Variants in KIAA1549L observed in about 807,000 individuals in gnomAD.
KIAA1549L encodes the protein KIAA1549 like.
KIAA1549L carries 88 observed loss-of-function variants against 160.7 expected under a neutral mutation model. The observed-to-expected ratio is 0.55, with a 90% confidence interval of 0.46 to 0.65. The LOEUF (loss-of-function observed/expected upper bound fraction) is 0.65. Ranked by LOEUF, KIAA1549L falls within the 30% of genes least tolerant of loss-of-function variation. The pLI, the probability that KIAA1549L is intolerant of heterozygous loss-of-function variation, is 0.00. For missense variants in KIAA1549L, 2,258 were observed against 2,437.5 expected, an observed-to-expected ratio of 0.93 and a Z score of 1.55; for synonymous variants, 950 against 976.7, an observed-to-expected ratio of 0.97 and a Z score of 0.51.
intron 8 of KIAA1549L, among the ~76,000 whole-genome samples, chr11:33,566,413 A>G (rs1855050979): frequency 6.6e-6 from 1 of 152,190 alleles, no homozygotes; most frequent in Non-Finnish European, 1.5e-5. Context: ...CAGCCCTTCC[A>G]TGATCTGATA....
At chr11:33,569,996 C>A (rs905546389) in intron 9 of KIAA1549L, among the ~76,000 whole-genome samples, 2 of 69,384 alleles carry the variant, frequency 2.9e-5, no homozygotes, top group Non-Finnish European at 6.5e-5. Flanking sequence ...CTTTCTCTCT[C>A]TCTCTCTCTC....
chr11:33,557,345 G>A (rs1487405349), intron 6 of KIAA1549L, among the ~76,000 whole-genome samples: 3 of 151,388 alleles, frequency 2.0e-5, no homozygotes, highest in African/African-American at 7.3e-5. Context: ...GATAAAGATT[G>A]AAAAGTTTTT....
intron 1 of KIAA1549L, chr11:33,450,574 A>G (rs1227757622): frequency 8.5e-6 from 1 of 118,218 alleles, no homozygotes; most frequent in Non-Finnish European, 1.9e-5. Flanking sequence ...AAACAACAAC[A>G]ACAACAACAA....
intron 1 of KIAA1549L, among the ~76,000 whole-genome samples, chr11:33,521,517 A>G (rs1380651419): frequency 2.0e-5 from 3 of 152,262 alleles, no homozygotes; most frequent in African/African-American, 7.2e-5. Flanking sequence ...GGAAGTATTC[A>G]GGAAGTTTCA....
chr11:33,439,414 TG>T (rs1426127937), intron 1 of KIAA1549L, among the ~76,000 whole-genome samples: 1 of 151,264 alleles, frequency 6.6e-6, no homozygotes, highest in Non-Finnish European at 1.5e-5. Flanking sequence ...TTTCTGTTTT[TG>T]TTTTTGAGAC....
chr11:33,601,826 G>A (rs945475976), intron 13 of KIAA1549L, among the ~76,000 whole-genome samples: 5 of 152,184 alleles, frequency 3.3e-5, no homozygotes, highest in African/African-American at 1.2e-4. Flanking sequence ...CAGATGGCTG[G>A]CATAGGTCCT....
At chr11:33,426,691 A>G (rs1188548691) in intron 1 of KIAA1549L, among the ~76,000 whole-genome samples, 2 of 152,214 alleles carry the variant, frequency 1.3e-5, no homozygotes, top group Non-Finnish European at 2.9e-5. Context: ...AAAAGCAGGT[A>G]GGTGATAGTT....
intron 1 of KIAA1549L, among the ~76,000 whole-genome samples, chr11:33,489,165 A>G (rs566224232): frequency 6.6e-6 from 1 of 152,294 alleles, no homozygotes; most frequent in South Asian, 2.1e-4. Flanking sequence ...TGGGTGGCTT[A>G]AACAACAGGA....
rs111969919 is a variant in KIAA1549L, at chr11:33,422,501, C to T, written c.238+45612C>T. 4.0e-3 allele frequency among the ~76,000 whole-genome samples: 561 copies of T among 140,748 alleles called. 8 individuals are homozygous for T. The highest frequency in any genetic ancestry group is 0.014 in the African/African-American group (529 of 38,152). The allele number at this position is 140,748 out of a possible 152,430, so 92.3% of individuals were successfully genotyped here. On this transcript the variant is annotated intron_variant, in intron 1 of 20. Transcript: ENST00000658780. Reference sequence around the variant, plus strand: ...AGACTCTCCTTAGCTGAATGGACTCCCTCCCTTCCCTCCCTCCCCTCCCTT... The same window carrying T: ...AGACTCTCCTTAGCTGAATGGACTCTCTCCCTTCCCTCCCTCCCCTCCCTT...
At chr11:33,662,274 T>C (rs76880417) in intron 20 of KIAA1549L, among the ~76,000 whole-genome samples, 3,432 of 152,294 alleles carry the variant, frequency 0.023, 110 homozygotes, top group African/African-American at 0.073. Flanking sequence ...TTGCTGTTAA[T>C]GTCCCCACAT....
At chr11:33,512,386 A>G (rs1321709582) in intron 1 of KIAA1549L, among the ~76,000 whole-genome samples, 6 of 152,214 alleles carry the variant, frequency 3.9e-5, no homozygotes, top group African/African-American at 1.4e-4. Context: ...GTAATTAATA[A>G]ATACACAGTT....
At chr11:33,633,893 A>G (rs1851369966) in intron 16 of KIAA1549L, among the ~76,000 whole-genome samples, 1 of 152,208 alleles carries the variant, frequency 6.6e-6, no homozygotes, top group African/African-American at 2.4e-5. Context: ...TACCTACTTT[A>G]TGAGGATGTT....
intron 17 of KIAA1549L, among the ~76,000 whole-genome samples, chr11:33,647,111 A>G (rs1442450175): frequency 1.3e-5 from 2 of 152,334 alleles, no homozygotes; most frequent in African/African-American, 4.8e-5. Context: ...TGGGTTGGAC[A>G]TGGTGGCTCA....
intron 1 of KIAA1549L, among the ~76,000 whole-genome samples, chr11:33,453,070 G>A (rs1330127521): frequency 6.6e-6 from 1 of 152,174 alleles, no homozygotes; most frequent in Non-Finnish European, 1.5e-5. Context: ...ATTATTTCCT[G>A]GGAAGCCATG....
intron 8 of KIAA1549L, among the ~76,000 whole-genome samples, chr11:33,567,564 G>A (rs2133232097): frequency 6.6e-6 from 1 of 152,298 alleles, no homozygotes; most frequent in East Asian, 1.9e-4. Flanking sequence ...CCAGATATAA[G>A]GGATTGAGTT....
At chr11:33,391,821 T>C (rs779985838) in intron 1 of KIAA1549L, among the ~76,000 whole-genome samples, 2 of 152,222 alleles carry the variant, frequency 1.3e-5, no homozygotes, top group Non-Finnish European at 2.9e-5. Flanking sequence ...TCTTTACCTA[T>C]AAAAATAGCA....
Position 33,668,471 on chromosome 11 carries a change from C to T in KIAA1549L, c.*317C>T, listed in dbSNP as rs75621951. 3,230 of 383,824 alleles carry T rather than the reference C, an allele frequency of 8.4e-3. 17 individuals carry two copies. The highest frequency in any genetic ancestry group is 0.012 in the Non-Finnish European group (2,525 of 209,672). 23.8% of individuals were successfully genotyped at this position (383,824 alleles called of 1,614,324 possible). A position where few individuals can be genotyped will look rare whatever the true frequency, so the allele number is the denominator to read the frequency against. ...AGAGGCACTAGCTAATCTACAGATT[C>T]CTATCCAATGCCACATTTTAATAAA... On this transcript the variant is annotated 3_prime_UTR_variant, in exon 21 of 21. Coordinates refer to ENST00000658780, the MANE Select transcript of KIAA1549L (RefSeq NM_012194.3).
chr11:33,585,023 G>C (rs138403279), intron 11 of KIAA1549L, among the ~76,000 whole-genome samples: 33 of 152,300 alleles, frequency 2.2e-4, no homozygotes, highest in African/African-American at 7.7e-4. Flanking sequence ...AGAAATCAAA[G>C]GATTTTTATT....
intron 3 of KIAA1549L, among the ~76,000 whole-genome samples, chr11:33,546,360 G>A (rs1259866410): frequency 6.6e-6 from 1 of 151,968 alleles, no homozygotes; most frequent in East Asian, 1.9e-4. Flanking sequence ...CTCTCCTCTG[G>A]GTGGCAGGCA....
Sources: gnomAD v4.1 joint callset for allele counts (sites outside exome capture counted in the v4.1 genomes callset) on GRCh38, gnomAD v4.1.1 for gene constraint, MANE v1.5 for transcripts, NCBI Gene and HGNC (gene_info 2026-07-23, HGNC 2026-07-21) for gene names.